Variants in STPG2 observed in about 807,000 individuals in gnomAD.
STPG2 encodes sperm tail PG-rich repeat containing 2, also known as sperm-tail PG-rich repeat-containing protein 2.
A neutral mutation model predicts 54.2 loss-of-function variants in STPG2; 56 were observed. The observed-to-expected ratio is 1.03, with a 90% CI of 0.83 to 1.29. The LOEUF is 1.29. Among genes scored for constraint, STPG2 ranks in the 50% most tolerant of loss-of-function variants. The probability of loss-of-function intolerance (pLI) is 0.00; values close to 1 mark genes in which losing one functional copy is unlikely to be tolerated. For synonymous variants in STPG2, 200 were observed against 181.8 expected, an observed-to-expected ratio of 1.10 and a Z score of -0.81; for missense variants, 596 against 544.9, an observed-to-expected ratio of 1.09 and a Z score of -0.93.
chr4:97,712,601 T>G, intron 10 of STPG2, 98 bp downstream of exon 10: 1 of 769,610 alleles, frequency 1.3e-6, no homozygotes, highest in Non-Finnish European at 1.9e-6. Flanking sequence ...GCAATGTGAA[T>G]AAAATATATG....
intron 4 of STPG2, among the ~76,000 whole-genome samples, chr4:97,527,307 T>G (rs897761110): frequency 2.0e-5 from 3 of 152,156 alleles, no homozygotes; most frequent in African/African-American, 7.2e-5. Context: ...GCTTCATCCA[T>G]GTCCCTGCAA....
chr4:97,994,941 T>C (rs1478833976), intron 5 of STPG2, among the ~76,000 whole-genome samples: 1 of 152,094 alleles, frequency 6.6e-6, no homozygotes, highest in Admixed American at 6.6e-5. Flanking sequence ...GTTAGGCGTG[T>C]CTGAGCTCAG....
At chr4:97,795,128 T>C (rs925190413) in intron 9 of STPG2, among the ~76,000 whole-genome samples, 11 of 152,168 alleles carry the variant, frequency 7.2e-5, no homozygotes, top group Non-Finnish European at 1.6e-4. Context: ...TATGATTATA[T>C]TTCCTAGGTT....
intron 8 of STPG2, among the ~76,000 whole-genome samples, chr4:97,892,809 C>T (rs1578661079): frequency 1.3e-5 from 2 of 152,246 alleles, no homozygotes; most frequent in East Asian, 3.9e-4. Flanking sequence ...CCCTAAGGCA[C>T]TAGCAGCTGT....
intron 8 of STPG2, among the ~76,000 whole-genome samples, chr4:97,859,093 G>C (rs551214318): frequency 6.6e-6 from 1 of 152,146 alleles, no homozygotes; most frequent in African/African-American, 2.4e-5. Flanking sequence ...CATTCTTGCA[G>C]GAGTAAGGTG....
intron 4 of STPG2, among the ~76,000 whole-genome samples, chr4:97,535,291 C>G (rs1053113378): frequency 3.9e-5 from 6 of 152,240 alleles, no homozygotes; most frequent in African/African-American, 1.2e-4. Flanking sequence ...TCACCAGTAC[C>G]ACCACCAAGT....
chr4:97,779,861 C>T (rs1726543725), intron 9 of STPG2, among the ~76,000 whole-genome samples: 4 of 152,076 alleles, frequency 2.6e-5, no homozygotes, highest in Non-Finnish European at 5.9e-5. Context: ...AAATAAAATC[C>T]TTTACAGACA....
At chr4:97,676,598 G>C (rs1480026254) in intron 10 of STPG2, among the ~76,000 whole-genome samples, 1 of 150,020 alleles carries the variant, frequency 6.7e-6, no homozygotes, top group Non-Finnish European at 1.5e-5. Flanking sequence ...AGGGAGGGAG[G>C]GGGGATGGGC....
At chr4:97,615,758 A>G (rs1407229194) in intron 10 of STPG2, among the ~76,000 whole-genome samples, 1 of 151,784 alleles carries the variant, frequency 6.6e-6, no homozygotes, top group African/African-American at 2.4e-5. Flanking sequence ...CAGACCAAAA[A>G]TAAAAGATAG....
intron 10 of STPG2, among the ~76,000 whole-genome samples, chr4:97,604,615 G>A (rs1208309010): frequency 6.6e-6 from 1 of 151,550 alleles, no homozygotes; most frequent in East Asian, 1.9e-4. Context: ...AATCTTTACC[G>A]GTTCTCTCTA....
At chr4:98,099,941 G>A (rs568845339) in intron 5 of STPG2, among the ~76,000 whole-genome samples, 10 of 151,792 alleles carry the variant, frequency 6.6e-5, no homozygotes, top group African/African-American at 1.9e-4. Context: ...TTAAGGAGAC[G>A]GATACCCAAT....
chr4:97,712,927 C>A, intron 9 of STPG2, 113 bp from the exon 10 acceptor site: 1 of 603,728 alleles, frequency 1.7e-6, no homozygotes, highest in African/African-American at 1.9e-5. Flanking sequence ...ATGAAACAAT[C>A]TTGAACCCAT....
At chr4:97,901,674 A>T (rs1167385362) in intron 8 of STPG2, among the ~76,000 whole-genome samples, 1 of 151,996 alleles carries the variant, frequency 6.6e-6, no homozygotes, top group Non-Finnish European at 1.5e-5. Flanking sequence ...GAAATAGAAG[A>T]TACAAATAAA....
chr4:98,138,596 G>A (rs72686496), intron 1 of STPG2, among the ~76,000 whole-genome samples: 15,968 of 152,058 alleles, frequency 0.11, 1,171 homozygotes, highest in East Asian at 0.32. Flanking sequence ...TTTGAAATAT[G>A]TACTCATCTT....
At chr4:98,073,305 T>C (rs1216160969) in intron 5 of STPG2, among the ~76,000 whole-genome samples, 2 of 152,206 alleles carry the variant, frequency 1.3e-5, no homozygotes, top group Admixed American at 1.3e-4. Flanking sequence ...GAATATAGTA[T>C]ATATACATGA....
intron 5 of STPG2, among the ~76,000 whole-genome samples, chr4:98,025,077 C>T (rs1379028732): frequency 6.6e-6 from 1 of 152,146 alleles, no homozygotes; most frequent in Non-Finnish European, 1.5e-5. Flanking sequence ...AGCAAAAAGG[C>T]TCTCCTTTAT....
chr4:98,112,953 T>C (rs1739404897), intron 3 of STPG2, among the ~76,000 whole-genome samples: 1 of 151,072 alleles, frequency 6.6e-6, no homozygotes, highest in East Asian at 2.0e-4. Context: ...GTTTGCGTTC[T>C]AACACAGACA....
intron 8 of STPG2, among the ~76,000 whole-genome samples, chr4:97,896,457 A>G (rs1403554406): frequency 6.6e-6 from 1 of 151,806 alleles, no homozygotes; most frequent in Non-Finnish European, 1.5e-5. Context: ...GTTGCTGCAG[A>G]TGTTTAATTT....
intron 4 of STPG2, among the ~76,000 whole-genome samples, chr4:97,470,162 T>G (rs909247789): frequency 2.0e-5 from 3 of 152,070 alleles, no homozygotes; most frequent in African/African-American, 7.2e-5. Context: ...AATTCCAGCC[T>G]TCTCCCTCAG....
Sources: gnomAD v4.1 joint callset for allele counts (sites outside exome capture counted in the v4.1 genomes callset) on GRCh38, gnomAD v4.1.1 for gene constraint, MANE v1.5 for transcripts, NCBI Gene and HGNC (gene_info 2026-07-23, HGNC 2026-07-21) for gene names.